ZNF385D: variants seen among roughly 807,000 people sequenced by gnomAD.
ZNF385D encodes the protein zinc finger protein 659.
ZNF385D carries 15 observed loss-of-function variants against 35.8 expected under a neutral mutation model. That is an observed-to-expected ratio of 0.42 (90% confidence interval 0.28 to 0.64). The LOEUF (loss-of-function observed/expected upper bound fraction) is 0.64. Among genes scored for constraint, ZNF385D ranks in the 30% least tolerant of loss-of-function variants. ZNF385D has a pLI of 0.23. For missense variants in ZNF385D, 474 were observed against 494.6 expected, an observed-to-expected ratio of 0.96 and a Z score of 0.39; for synonymous variants, 212 against 186.8, an observed-to-expected ratio of 1.13 and a Z score of -1.10.
intron 3 of ZNF385D, among the ~76,000 whole-genome samples, chr3:21,879,675 A>G (rs1257608595): frequency 6.6e-6 from 1 of 152,012 alleles, no homozygotes; most frequent in African/African-American, 2.4e-5. Context: ...AGGAATCACT[A>G]AACATAAAAT....
At chr3:21,684,219 T>C (rs1434335414) in intron 1 of ZNF385D, among the ~76,000 whole-genome samples, 5 of 148,928 alleles carry the variant, frequency 3.4e-5, no homozygotes, top group Non-Finnish European at 7.4e-5. Context: ...TAAAGCGCCA[T>C]GTTTAGGAGT....
At chr3:22,182,103 C>G (rs12487567) in intron 2 of ZNF385D, among the ~76,000 whole-genome samples, 31,246 of 152,074 alleles carry the variant, frequency 0.21, 3,355 homozygotes, top group African/African-American at 0.25. Context: ...AATGTGTGGA[C>G]TACTGCTCCT....
At chr3:21,575,185 C>T (rs2063460731) in intron 2 of ZNF385D, among the ~76,000 whole-genome samples, 1 of 152,064 alleles carries the variant, frequency 6.6e-6, no homozygotes, top group African/African-American at 2.4e-5. Flanking sequence ...GTGATGTAGC[C>T]TTTATTCTAC....
chr3:22,139,770 C>CAA (rs201133980), intron 3 of ZNF385D, among the ~76,000 whole-genome samples: 1 of 150,590 alleles, frequency 6.6e-6, no homozygotes. Flanking sequence ...TATAATAAAA[C>CAA]AAAAAAAAGA....
chr3:21,751,717 T>A (rs1020935545), upstream of ZNF385D, among the ~76,000 whole-genome samples: 4 of 152,134 alleles, frequency 2.6e-5, no homozygotes, highest in Non-Finnish European at 5.9e-5. Flanking sequence ...AGTGATCACA[T>A]CCCAGAAAGC....
At chr3:21,959,391 G>C (rs547245562) in intron 3 of ZNF385D, among the ~76,000 whole-genome samples, 2 of 152,038 alleles carry the variant, frequency 1.3e-5, no homozygotes, top group East Asian at 1.9e-4. Context: ...AAAACGGTAA[G>C]AGAAAATAAT....
chr3:21,702,577 C>T (rs981074549), intron 1 of ZNF385D, among the ~76,000 whole-genome samples: 38 of 152,270 alleles, frequency 2.5e-4, no homozygotes, highest in African/African-American at 6.7e-4. Context: ...TTGAATTTCT[C>T]ATCAAAAAAT....
intron 3 of ZNF385D, among the ~76,000 whole-genome samples, chr3:21,823,155 A>T (rs1015468502): frequency 6.6e-6 from 1 of 152,154 alleles, no homozygotes; most frequent in African/African-American, 2.4e-5. Context: ...ATGTTTATTG[A>T]TATTAATGAT....
At chr3:21,742,534 G>C (rs1451444445) in intron 1 of ZNF385D, among the ~76,000 whole-genome samples, 1 of 152,204 alleles carries the variant, frequency 6.6e-6, no homozygotes, top group Non-Finnish European at 1.5e-5. Flanking sequence ...ACATTTCCCA[G>C]GCCACCTCAG....
chr3:21,689,019 A>G (rs2067196789), intron 1 of ZNF385D, among the ~76,000 whole-genome samples: 1 of 152,014 alleles, frequency 6.6e-6, no homozygotes, highest in South Asian at 2.1e-4. Flanking sequence ...GATTACCTGA[A>G]TATACAAATC....
chr3:21,791,737 T>G (rs1306942542), intron 3 of ZNF385D, among the ~76,000 whole-genome samples: 1 of 152,142 alleles, frequency 6.6e-6, no homozygotes, highest in African/African-American at 2.4e-5. Context: ...ATCTAATCGT[T>G]TTTTTTGGTT....
rs375172990 is a variant in ZNF385D, at chr3:21,623,162, C to T, written c.165+41724G>A. ...ATCTGTATGTAAAGAATACAAAGCA[C>T]CTGCCCCACTGGGTTGTTGTACAAA... On this transcript the variant is annotated intron_variant, in intron 2 of 7. Coordinates refer to ENST00000281523, the MANE Select transcript of ZNF385D (RefSeq NM_024697.3). 8.5e-5 allele frequency among the ~76,000 whole-genome samples: 13 copies of T among 152,146 alleles called. No individual in the cohort carries two copies. The South Asian group carries it at 1.5e-3, about 17-fold the overall frequency.
At chr3:21,425,108 T>A (rs1559436290) in intron 6 of ZNF385D, among the ~76,000 whole-genome samples, 1 of 152,166 alleles carries the variant, frequency 6.6e-6, no homozygotes, top group Non-Finnish European at 1.5e-5. Context: ...CGTAAATATC[T>A]AAACAAATTA....
rs1273954731 is a variant in ZNF385D at position 21,588,629 on chromosome 3, T to C, written c.166-23945A>G. Among the ~76,000 whole-genome samples the C allele has an allele frequency of 2.0e-5, 3 of 152,150 alleles. No homozygotes were observed. The South Asian group carries it at 6.2e-4, about 31-fold the overall frequency. On this transcript the variant is annotated intron_variant, in intron 2 of 7. Coordinates refer to ENST00000281523, the MANE Select transcript of ZNF385D (RefSeq NM_024697.3). ...AAATAATTTTTAAAAGTCTGTTTTC[T>C]TAAAATTTATAGAGTAAATGCCATG...
chr3:21,448,540 G>A (rs1002845241), intron 4 of ZNF385D, among the ~76,000 whole-genome samples: 1 of 151,940 alleles, frequency 6.6e-6, no homozygotes, highest in Non-Finnish European at 1.5e-5. Context: ...AAGAGCTGGA[G>A]GATAAATAAA....
At chr3:22,091,347 G>A (rs963261040) in intron 3 of ZNF385D, among the ~76,000 whole-genome samples, 2 of 152,116 alleles carry the variant, frequency 1.3e-5, no homozygotes, top group Non-Finnish European at 2.9e-5. Context: ...GATACTGTAG[G>A]GGATTCTGCC....
At chr3:21,558,070 T>C (rs531062966) in intron 3 of ZNF385D, among the ~76,000 whole-genome samples, 1 of 152,074 alleles carries the variant, frequency 6.6e-6, no homozygotes, top group African/African-American at 2.4e-5. Flanking sequence ...TAGCAGTCTG[T>C]TTTGCTGATC....
chr3:22,236,102 A>AAATAATAAT (rs1419435071), intron 2 of ZNF385D, among the ~76,000 whole-genome samples: 1 of 152,168 alleles, frequency 6.6e-6, no homozygotes, highest in African/African-American at 2.4e-5. Flanking sequence ...CAATCAGCAC[A>AAATAATAAT]AATAATAATA....
At chr3:22,329,855 G>C (rs1694854274) in intron 2 of ZNF385D, among the ~76,000 whole-genome samples, 1 of 152,086 alleles carries the variant, frequency 6.6e-6, no homozygotes, top group Admixed American at 6.6e-5. Context: ...TATTGAGATA[G>C]CTTTTTTTGA....
Sources: gnomAD v4.1 joint callset for allele counts (sites outside exome capture counted in the v4.1 genomes callset) on GRCh38, gnomAD v4.1.1 for gene constraint, MANE v1.5 for transcripts, NCBI Gene and HGNC (gene_info 2026-07-23, HGNC 2026-07-21) for gene names.